Variants in ENTREP2 observed in about 807,000 individuals in gnomAD.
ENTREP2 encodes protein ENTREP2.
chr15:29,147,822 T>C, the ENTREP2 span, among the ~76,000 whole-genome samples: 1 of 152,158 alleles, frequency 6.6e-6, no homozygotes, highest in Non-Finnish European at 1.5e-5. Context: ...AAAACATATG[T>C]TGACACAAAA....
the ENTREP2 span, among the ~76,000 whole-genome samples, chr15:29,388,389 G>A: frequency 2.6e-5 from 4 of 152,210 alleles, no homozygotes; most frequent in Non-Finnish European, 5.9e-5. Context: ...CTGGCCATCA[G>A]AGAAATGCAA....
the ENTREP2 span, among the ~76,000 whole-genome samples, chr15:29,351,799 A>G: frequency 2.0e-5 from 3 of 149,748 alleles, no homozygotes; most frequent in South Asian, 2.2e-4. Context: ...ACATGCCACC[A>G]CACACAGCTT....
At chr15:29,259,328 T>C in the ENTREP2 span, among the ~76,000 whole-genome samples, 1 of 152,190 alleles carries the variant, frequency 6.6e-6, no homozygotes, top group Non-Finnish European at 1.5e-5. Flanking sequence ...TTCTCAAATA[T>C]TTCCTTCTTG....
chr15:29,530,287 T>A, the ENTREP2 span, among the ~76,000 whole-genome samples: 1 of 152,062 alleles, frequency 6.6e-6, no homozygotes, highest in Non-Finnish European at 1.5e-5. Context: ...TCTGTGCGGG[T>A]GCTGGGTTGT....
chr15:29,473,723 G>A, the ENTREP2 span, among the ~76,000 whole-genome samples: 773 of 152,288 alleles, frequency 5.1e-3, 9 homozygotes, highest in African/African-American at 0.018. Flanking sequence ...GCACAGCAGC[G>A]AGGGACCATT....
At chr15:29,598,911 T>A in the ENTREP2 span, among the ~76,000 whole-genome samples, 1 of 152,140 alleles carries the variant, frequency 6.6e-6, no homozygotes, top group Admixed American at 6.5e-5. Context: ...TTAGCCAGGA[T>A]GGTCTCGGTC....
chr15:29,325,055 T>C, the ENTREP2 span, among the ~76,000 whole-genome samples: 3 of 152,162 alleles, frequency 2.0e-5, no homozygotes, highest in Non-Finnish European at 4.4e-5. Flanking sequence ...AATTCCCAAA[T>C]ACTTGGAGAT....
At chr15:29,161,018 A>G in the ENTREP2 span, among the ~76,000 whole-genome samples, 6 of 152,166 alleles carry the variant, frequency 3.9e-5, no homozygotes. Flanking sequence ...TATTATCTTA[A>G]ATGCCCACAC....
chr15:29,596,853 A>G, the ENTREP2 span, among the ~76,000 whole-genome samples: 1 of 152,036 alleles, frequency 6.6e-6, no homozygotes, highest in South Asian at 2.1e-4. Context: ...ATTTTTTAGT[A>G]GAGACAGGCT....
the ENTREP2 span, among the ~76,000 whole-genome samples, chr15:29,605,690 G>T: frequency 2.1e-5 from 3 of 143,998 alleles, no homozygotes; most frequent in Non-Finnish European, 3.0e-5. Flanking sequence ...ACAAAAACTA[G>T]CTGGGCATGA....
the ENTREP2 span, among the ~76,000 whole-genome samples, chr15:29,225,580 G>A: frequency 3.9e-5 from 6 of 152,138 alleles, no homozygotes; most frequent in Non-Finnish European, 7.4e-5. Flanking sequence ...CTCACCAAGT[G>A]CCCCAGTCAT....
the ENTREP2 span, chr15:29,375,741 C>T: frequency 6.6e-6 from 1 of 152,044 alleles, no homozygotes; most frequent in East Asian, 1.9e-4. Flanking sequence ...GATGAGACCC[C>T]AGGGTTGCAG....
chr15:29,340,204 C>T, the ENTREP2 span, among the ~76,000 whole-genome samples: 1 of 152,176 alleles, frequency 6.6e-6, no homozygotes, highest in South Asian at 2.1e-4. Context: ...GAGGACAAAA[C>T]CACCCTGTAT....
At chr15:29,421,276 A>G in the ENTREP2 span, among the ~76,000 whole-genome samples, 1 of 152,176 alleles carries the variant, frequency 6.6e-6, no homozygotes, top group Non-Finnish European at 1.5e-5. Flanking sequence ...AGTGAATAAT[A>G]TCTGCATAGG....
chr15:29,570,942 C>T, the ENTREP2 span, among the ~76,000 whole-genome samples: 1 of 144,878 alleles, frequency 6.9e-6, no homozygotes, highest in Non-Finnish European at 1.5e-5. Context: ...CCGCCGCCGC[C>T]GCGCCGCCCG....
the ENTREP2 span, among the ~76,000 whole-genome samples, chr15:29,604,220 G>A: frequency 6.6e-6 from 1 of 152,174 alleles, no homozygotes; most frequent in South Asian, 2.1e-4. Flanking sequence ...CCAAGGCAAT[G>A]CAAATTAAAG....
the ENTREP2 span, among the ~76,000 whole-genome samples, chr15:29,218,266 G>A: frequency 6.6e-6 from 1 of 152,280 alleles, no homozygotes; most frequent in African/African-American, 2.4e-5. Flanking sequence ...CATTGGCTGT[G>A]GTGGGTGTGG....
chr15:29,129,627 C>T, the ENTREP2 span, among the ~76,000 whole-genome samples: 1 of 152,218 alleles, frequency 6.6e-6, no homozygotes, highest in African/African-American at 2.4e-5. Flanking sequence ...GGATTATAGG[C>T]ATGAGCTACC....
chr15:29,226,799 A>G, the ENTREP2 span, among the ~76,000 whole-genome samples: 1 of 152,218 alleles, frequency 6.6e-6, no homozygotes, highest in Non-Finnish European at 1.5e-5. Flanking sequence ...GGAAAAAATG[A>G]GATAGTCTCA....
Sources: gnomAD v4.1 joint callset for allele counts (sites outside exome capture counted in the v4.1 genomes callset) on GRCh38, gnomAD v4.1.1 for gene constraint, MANE v1.5 for transcripts, NCBI Gene and HGNC (gene_info 2026-07-23, HGNC 2026-07-21) for gene names.